STK24: variants seen among roughly 807,000 people sequenced by gnomAD.
The protein encoded by STK24 is serine/threonine kinase 24.
STK24 carries 21 observed loss-of-function variants against 55.6 expected under a neutral mutation model. That is an observed-to-expected ratio of 0.38 (90% CI 0.27 to 0.54). The LOEUF (loss-of-function observed/expected upper bound fraction) is 0.54. Ranked by LOEUF, STK24 falls within the 20% of genes least tolerant of loss-of-function variation. STK24 has a pLI of 0.79. For missense variants in STK24, 383 were observed against 538.4 expected, an observed-to-expected ratio of 0.71 and a Z score of 2.86; for synonymous variants, 200 against 215.2, an observed-to-expected ratio of 0.93 and a Z score of 0.62.
intron 1 of STK24, among the ~76,000 whole-genome samples, chr13:98,541,198 C>G (rs1896881217): frequency 6.6e-6 from 1 of 151,662 alleles, no homozygotes; most frequent in African/African-American, 2.4e-5. Flanking sequence ...CTCTGGAAAA[C>G]TTTGTAATTT....
chr13:98,487,336 A>G (rs1412512000), intron 2 of STK24, among the ~76,000 whole-genome samples: 2 of 152,268 alleles, frequency 1.3e-5, no homozygotes, highest in Admixed American at 6.5e-5. Flanking sequence ...TGTTTTTTCA[A>G]CAACCTCAAA....
At chr13:98,535,361 C>A (rs59333314) in intron 1 of STK24, among the ~76,000 whole-genome samples, 11,821 of 63,664 alleles carry the variant, frequency 0.19, 599 homozygotes, top group East Asian at 0.43. Flanking sequence ...AACAAACAAA[C>A]AAAAAAAAAA....
intron 9 of STK24, among the ~76,000 whole-genome samples, chr13:98,459,535 G>A (rs1032647623): frequency 4.6e-5 from 7 of 152,238 alleles, no homozygotes; most frequent in African/African-American, 9.6e-5. Context: ...GGCCAGGCAC[G>A]GCCCATGGCC....
chr13:98,515,126 A>G (rs1219349481), intron 2 of STK24, among the ~76,000 whole-genome samples: 2 of 151,674 alleles, frequency 1.3e-5, no homozygotes, highest in Non-Finnish European at 2.9e-5. Flanking sequence ...AAGATTTGTA[A>G]GTGCTGAAGG....
intron 2 of STK24, among the ~76,000 whole-genome samples, chr13:98,513,220 G>T (rs549621178): frequency 2.6e-5 from 4 of 152,306 alleles, no homozygotes; most frequent in Admixed American, 6.5e-5. Flanking sequence ...CATCATGGTG[G>T]GCACAGCCAT....
At position 98,474,259 on chromosome 13, in the gene STK24, A is replaced by G. The variant is rs79858502; in HGVS notation, c.597+562T>C. Among the ~76,000 whole-genome samples, 1,174 of 152,338 alleles carry G rather than the reference A, an allele frequency of 7.7e-3. 14 individuals carry two copies. The highest frequency in any genetic ancestry group is 0.027 in the African/African-American group (1,119 of 41,586). ...GGGAAGAAAGGGTTAGGGTTTCATCACATGTTGACAAGGACAGGCTGGGAA... is the reference window on the plus strand; with the variant it reads ...GGGAAGAAAGGGTTAGGGTTTCATCGCATGTTGACAAGGACAGGCTGGGAA... On this transcript the variant is annotated intron_variant, in intron 5 of 10. Coordinates refer to ENST00000539966, the MANE Select transcript of STK24 (RefSeq NM_001032296.4).
intron 2 of STK24, among the ~76,000 whole-genome samples, chr13:98,490,631 G>A (rs890395307): frequency 1.5e-4 from 23 of 152,086 alleles, no homozygotes; most frequent in African/African-American, 5.3e-4. Context: ...TAAAGGCGCC[G>A]GCCTTCCATT....
chr13:98,574,694 T>C (rs1013800893), intron 1 of STK24, among the ~76,000 whole-genome samples: 5 of 152,212 alleles, frequency 3.3e-5, no homozygotes, highest in East Asian at 3.8e-4. Flanking sequence ...GATCATCTTT[T>C]CCACTGAGAA....
At chr13:98,533,746 G>C (rs1896639701) in intron 1 of STK24, among the ~76,000 whole-genome samples, 1 of 151,548 alleles carries the variant, frequency 6.6e-6, no homozygotes, top group South Asian at 2.1e-4. Context: ...TATCGCCTGT[G>C]GCCTCAGTAC....
rs550895814 is a variant in STK24 at position 98,517,501 on chromosome 13, G to A, written c.273+1742C>T. 6.6e-5 allele frequency among the ~76,000 whole-genome samples: 10 copies of A among 152,164 alleles called. No individual in the cohort carries two copies. The East Asian group carries it at 1.9e-3, about 29-fold the overall frequency. On this transcript the variant is annotated intron_variant, in intron 2 of 10. Transcript: ENST00000539966. ...ATTAGCCGGGCACGGTGGTTGGTGAGCGACTGTAATCCCAGCTACTCAGGA... is the reference window on the plus strand; with the variant it reads ...ATTAGCCGGGCACGGTGGTTGGTGAACGACTGTAATCCCAGCTACTCAGGA...
intron 5 of STK24, among the ~76,000 whole-genome samples, chr13:98,467,264 G>A (rs1215449256): frequency 2.0e-5 from 3 of 152,108 alleles, no homozygotes; most frequent in East Asian, 1.9e-4. Flanking sequence ...TGTGTTCCCC[G>A]AGTATATTTT....
intron 2 of STK24, among the ~76,000 whole-genome samples, chr13:98,488,238 C>T (rs1028047585): frequency 1.4e-4 from 21 of 150,694 alleles, no homozygotes; most frequent in African/African-American, 1.7e-4. Context: ...AGGGAGAAGA[C>T]GGTCATCCAC....
chr13:98,560,481 TTTAAC>T (rs772693306), intron 1 of STK24, among the ~76,000 whole-genome samples: 37 of 152,292 alleles, frequency 2.4e-4, no homozygotes, highest in Middle Eastern at 3.4e-3. Flanking sequence ...ATCTGAGACT[TTTAAC>T]TAAATCAACA....
intron 1 of STK24, among the ~76,000 whole-genome samples, chr13:98,557,518 T>C (rs536078918): frequency 1.1e-3 from 169 of 152,248 alleles, no homozygotes; most frequent in African/African-American, 4.0e-3. Flanking sequence ...CCCCACCCAC[T>C]GGTGGCACAG....
At position 98,535,397 on chromosome 13, in the gene STK24, A is replaced by G. The variant is rs34868848; in HGVS notation, c.43-15924T>C. Reference sequence around the variant, plus strand: ...TATATATATATATATATATGTGTGTATACACACACACACACACACACACAC... The same window carrying G: ...TATATATATATATATATATGTGTGTGTACACACACACACACACACACACAC... On this transcript the variant is annotated intron_variant, in intron 1 of 10. Transcript: ENST00000539966. 5.9e-3 allele frequency among the ~76,000 whole-genome samples: 266 copies of G among 45,042 alleles called. No homozygotes were observed. The Middle Eastern group carries it at 0.079, about 13-fold the overall frequency. 29.5% of individuals were successfully genotyped at this position (45,042 alleles called of 152,430 possible). A position where few individuals can be genotyped will look rare whatever the true frequency, so the allele number is the denominator to read the frequency against.
At chr13:98,481,603 G>A (rs530815120) in intron 3 of STK24, among the ~76,000 whole-genome samples, 16 of 152,348 alleles carry the variant, frequency 1.1e-4, no homozygotes, top group African/African-American at 3.8e-4. Flanking sequence ...GAAACGATGA[G>A]ATAACAGCCC....
intron 1 of STK24, among the ~76,000 whole-genome samples, chr13:98,546,722 T>TG: frequency 6.6e-6 from 1 of 152,156 alleles, no homozygotes; most frequent in East Asian, 1.9e-4. Flanking sequence ...CAGTTTCCAA[T>TG]GAGATGTCAA....
Position 98,453,001 on chromosome 13 carries a change from G to T in STK24, c.*172C>A. On this transcript the variant is annotated 3_prime_UTR_variant, in exon 11 of 11. Coordinates refer to ENST00000539966, the MANE Select transcript of STK24 (RefSeq NM_001032296.4). The stretch of plus-strand genomic sequence containing the variant: ...CCACCCATCTGAGAGACTTCATCTG[G>T]CTGCAGCACAGTGAAGACTGTGTGT... 3.5e-6 allele frequency: 2 copies of T among 573,702 alleles called. No individual in the cohort carries two copies. Among genetic ancestry groups the T allele is most frequent in the Non-Finnish European group, 3.0e-6 (1 of 334,232 alleles). The allele number at this position is 573,702 out of a possible 1,614,324, so 35.5% of individuals were successfully genotyped here. A position where few individuals can be genotyped will look rare whatever the true frequency, so the allele number is the denominator to read the frequency against.
chr13:98,522,294 C>A (rs1896291193), intron 1 of STK24, among the ~76,000 whole-genome samples: 1 of 152,198 alleles, frequency 6.6e-6, no homozygotes, highest in Non-Finnish European at 1.5e-5. Context: ...GGCCTCTACT[C>A]CTTCTCCCCA....
Sources: allele counts gnomAD v4.1 joint callset (sites outside exome capture counted in the v4.1 genomes callset), GRCh38; gene constraint gnomAD v4.1.1; transcripts MANE v1.5; gene names NCBI Gene and HGNC (gene_info 2026-07-23, HGNC 2026-07-21).